Variants in LIN54 observed in about 807,000 individuals in gnomAD.
The protein encoded by LIN54 is protein lin-54 homolog.
In LIN54, 9 loss-of-function variants were observed where a neutral mutation model predicts 78.7. The ratio of observed to expected loss-of-function variants is 0.11; its 90% CI spans 0.07 to 0.20. The LOEUF (loss-of-function observed/expected upper bound fraction) is 0.20, where lower values mean the gene tolerates loss of function less well. LIN54 is among the 10% of genes least tolerant of loss of function. LIN54 has a pLI of 1.00. For synonymous variants in LIN54, 269 were observed against 318.4 expected, an observed-to-expected ratio of 0.84 and a Z score of 1.65; for missense variants, 573 against 889.9, an observed-to-expected ratio of 0.64 and a Z score of 4.53.
Position 82,928,188 on chromosome 4 carries a change from T to C in LIN54, c.2164A>G (p.Ile722Val). 6.2e-7 allele frequency: 1 copy of C among 1,614,264 alleles called. No homozygotes were observed. The highest frequency in any genetic ancestry group is 8.5e-7 in the Non-Finnish European group (1 of 1,180,032). The change falls in exon 13 of 13, where the codon ATA becomes GTA. Residue 722 changes from isoleucine (I) to valine (V), a missense_variant. By Grantham distance (29) the Ile-to-Val change is conservative. This residue lies in a region of LIN54 where 82 missense variants were observed against 140.8 expected (regional missense o/e 0.58). Transcript: ENST00000340417. ...GKSKAAAERM[I>V]LEEFGRCLMS... ...AAACATCGTCCGAATTCCTCAAGTATCATCCGTTCCGCTGCTGCCTTTGAT... is the reference window on the plus strand; with the variant it reads ...AAACATCGTCCGAATTCCTCAAGTACCATCCGTTCCGCTGCTGCCTTTGAT...
intron 11 of LIN54, among the ~76,000 whole-genome samples, chr4:82,931,739 A>G (rs1415281110): frequency 6.6e-6 from 1 of 152,200 alleles, no homozygotes; most frequent in Non-Finnish European, 1.5e-5. Flanking sequence ...AGTATATATA[A>G]AATCCTAGAC....
intron 1 of LIN54, among the ~76,000 whole-genome samples, chr4:83,000,925 C>G (rs1728712632): frequency 6.8e-6 from 1 of 148,114 alleles, no homozygotes; most frequent in African/African-American, 2.5e-5. Context: ...TCAAGCAATT[C>G]TCCTGCCTCA....
intron 1 of LIN54, among the ~76,000 whole-genome samples, chr4:82,989,222 T>C (rs1727454617): frequency 6.6e-6 from 1 of 152,144 alleles, no homozygotes; most frequent in South Asian, 2.1e-4. Context: ...TACAGTCTTA[T>C]TGAATTGGAT....
chr4:82,942,138 T>C (rs2126039699), intron 5 of LIN54, among the ~76,000 whole-genome samples: 1 of 130,732 alleles, frequency 7.6e-6, no homozygotes, highest in Non-Finnish European at 1.6e-5. Flanking sequence ...CAGCAGTTTT[T>C]TTTTGTTTTT....
At chr4:82,958,538 A>G (rs1469512776) in intron 4 of LIN54, among the ~76,000 whole-genome samples, 1 of 152,070 alleles carries the variant, frequency 6.6e-6, no homozygotes, top group African/African-American at 2.4e-5. Flanking sequence ...TTTCCAGCCT[A>G]TTGTCACTTC....
At chr4:82,994,862 A>G (rs1190644843) in intron 1 of LIN54, among the ~76,000 whole-genome samples, 1 of 152,074 alleles carries the variant, frequency 6.6e-6, no homozygotes, top group African/African-American at 2.4e-5. Context: ...CCCCTTCTGC[A>G]CATTTTTGCT....
At chr4:82,931,178 C>A in intron 11 of LIN54, 33 bp from the exon 12 acceptor site, 1 of 1,529,022 alleles carries the variant, frequency 6.5e-7, no homozygotes, top group South Asian at 1.1e-5. Context: ...GTTTCCAAAT[C>A]AAAACCAAAA....
intron 1 of LIN54, among the ~76,000 whole-genome samples, chr4:82,993,059 T>C (rs1388805675): frequency 6.6e-6 from 1 of 151,086 alleles, no homozygotes; most frequent in Non-Finnish European, 1.5e-5. Flanking sequence ...AATGAGGTTT[T>C]ACCACGTTGC....
At chr4:82,964,833 G>A (rs902445857) in intron 4 of LIN54, among the ~76,000 whole-genome samples, 2 of 152,104 alleles carry the variant, frequency 1.3e-5, no homozygotes, top group Admixed American at 6.5e-5. Context: ...CCAACATGGC[G>A]AAACTACATG....
intron 4 of LIN54, among the ~76,000 whole-genome samples, chr4:82,968,407 T>TA (rs1725395796): frequency 6.6e-6 from 1 of 152,066 alleles, no homozygotes; most frequent in South Asian, 2.1e-4. Flanking sequence ...GTATAAACCA[T>TA]ATACCAGTCA....
chr4:83,002,649 A>G (rs1728971690), intron 1 of LIN54, among the ~76,000 whole-genome samples: 1 of 152,154 alleles, frequency 6.6e-6, no homozygotes, highest in South Asian at 2.1e-4. Flanking sequence ...CCTCCTCAAC[A>G]TGAAGACAAG....
intron 1 of LIN54, among the ~76,000 whole-genome samples, chr4:82,997,850 C>T (rs13151056): frequency 0.19 from 28,066 of 151,110 alleles, 2,916 homozygotes; most frequent in South Asian, 0.32. Flanking sequence ...AAAAATTAGC[C>T]GGGCATGGTG....
chr4:82,958,611 C>A (rs1044957597), intron 4 of LIN54, among the ~76,000 whole-genome samples: 17 of 152,132 alleles, frequency 1.1e-4, no homozygotes, highest in Non-Finnish European at 1.8e-4. Context: ...AAAGTGCAGT[C>A]AACAGAATCA....
chr4:82,958,008 C>A (rs1724480960), intron 4 of LIN54, among the ~76,000 whole-genome samples: 1 of 152,168 alleles, frequency 6.6e-6, no homozygotes, highest in African/African-American at 2.4e-5. Context: ...CAACTTAGCA[C>A]CTATCTCATC....
chr4:82,942,150 C>T (rs13119433), intron 5 of LIN54, among the ~76,000 whole-genome samples: 31,102 of 92,094 alleles, frequency 0.34, 3,374 homozygotes, highest in East Asian at 0.52. Flanking sequence ...TTTGTTTTTG[C>T]TTTTGGTGGG....
At chr4:82,994,761 T>C (rs1271313596) in intron 1 of LIN54, among the ~76,000 whole-genome samples, 1 of 151,986 alleles carries the variant, frequency 6.6e-6, no homozygotes, top group African/African-American at 2.4e-5. Flanking sequence ...TAGCAAAAGC[T>C]GGTTGATAGA....
At position 82,936,008 on chromosome 4, in the gene LIN54, A is replaced by G. The variant is rs1238778285; in HGVS notation, c.1818T>C (p.Cys606=). The change falls in exon 11 of 13, where the codon TGT becomes TGC. Residue 606 remains cysteine (C), a synonymous_variant. Coordinates refer to ENST00000340417, the MANE Select transcript of LIN54 (RefSeq NM_194282.4). ...CATAGCATTCACAGTAGTTTTTAAG[A>G]CATCCTGATCGTTTGCAATTACACC... is the stretch of plus-strand genomic sequence containing the variant. ...SKGCNCKRSG[C]LKNYCECYEA... 8.7e-6 allele frequency: 14 copies of G among 1,613,940 alleles called. No individual in the cohort carries two copies. In the Admixed American group the frequency reaches 1.5e-4, roughly 17 times the overall value.
intron 4 of LIN54, among the ~76,000 whole-genome samples, chr4:82,955,343 AACAGAGCGAG>A (rs1724199773): frequency 6.8e-6 from 1 of 147,678 alleles, no homozygotes; most frequent in African/African-American, 2.5e-5. Context: ...CAGCCTGGGC[AACAGAGCGAG>A]ACTCCATCTC....
intron 4 of LIN54, among the ~76,000 whole-genome samples, chr4:82,951,900 TG>T (rs1723874250): frequency 6.6e-6 from 1 of 152,154 alleles, no homozygotes; most frequent in Non-Finnish European, 1.5e-5. Flanking sequence ...CAAATGGTGC[TG>T]GGAAAACTGA....
Sources: allele counts gnomAD v4.1 joint callset (sites outside exome capture counted in the v4.1 genomes callset), GRCh38; gene constraint gnomAD v4.1.1; regional missense constraint gnomAD v4.1.1; transcripts MANE v1.5; gene names NCBI Gene and HGNC (gene_info 2026-07-23, HGNC 2026-07-21).